The following ROBO1 variants were observed in gnomAD, a reference collection of about 807,000 sequenced individuals.
ROBO1 encodes the protein roundabout homolog 1.
ROBO1 carries 149 observed loss-of-function variants against 195.9 expected under a neutral mutation model. The ratio of observed to expected loss-of-function variants is 0.76; its 90% CI spans 0.67 to 0.87. ROBO1 has a LOEUF of 0.87. Ranked by LOEUF, ROBO1 falls within the 40% of genes least tolerant of loss-of-function variation. The probability of loss-of-function intolerance (pLI) is 0.00; values close to 1 mark genes in which losing one functional copy is unlikely to be tolerated. For synonymous variants in ROBO1, 816 were observed against 733.2 expected (o/e 1.11, Z -1.82); for missense variants, 1,933 against 2,068.3 (o/e 0.93, Z 1.27).
chr3:79,528,625 C>A (rs1259118525), intron 2 of ROBO1, among the ~76,000 whole-genome samples: 3 of 152,078 alleles, frequency 2.0e-5, no homozygotes, highest in Non-Finnish European at 2.9e-5. Context: ...ATATTGGAAC[C>A]ATGTCAAAAG....
At chr3:79,216,773 G>T (rs1357622103) in intron 2 of ROBO1, among the ~76,000 whole-genome samples, 1 of 151,924 alleles carries the variant, frequency 6.6e-6, no homozygotes, top group Non-Finnish European at 1.5e-5. Flanking sequence ...TAAAACAACT[G>T]CCCATTATAT....
intron 3 of ROBO1, among the ~76,000 whole-genome samples, chr3:79,010,964 A>C (rs777206023): frequency 9.9e-5 from 15 of 152,284 alleles, no homozygotes; most frequent in Non-Finnish European, 1.5e-4. Context: ...GATTGCTAGG[A>C]AATTTTCACT....
intron 4 of ROBO1, among the ~76,000 whole-genome samples, chr3:78,808,389 G>A (rs1236925706): frequency 6.6e-6 from 1 of 152,016 alleles, no homozygotes; most frequent in African/African-American, 2.4e-5. Context: ...ATTTTTAGTA[G>A]AGACAGGGTT....
At chr3:79,148,181 A>G (rs2080693418) in intron 2 of ROBO1, among the ~76,000 whole-genome samples, 1 of 151,788 alleles carries the variant, frequency 6.6e-6, no homozygotes. Context: ...ATCTGTCTTT[A>G]CTAAAAGACA....
Position 78,633,944 on chromosome 3 carries a change from T to C in ROBO1, c.3472A>G (p.Ser1158Gly), listed in dbSNP as rs1176036912. Residue 1158 changes from serine (S) to glycine (G), a missense_variant, in exon 24 of 31, where the codon AGT (serine) becomes GGT (glycine). By Grantham distance (56) the Ser-to-Gly change is moderately conservative. This residue lies in a region of ROBO1 where 1,737 missense variants were observed against 1,882.5 expected (regional missense o/e 0.92). Transcript: ENST00000464233. The part of the protein sequence containing the change: ...GSYNSSDRGS[S>G]TSGSQGHKKG... ...GGTTCATCTTACTTACCAGATGTACTACTGCCCCGGTCTGAGCTGTTGTAG... is the reference window on the plus strand; with the variant it reads ...GGTTCATCTTACTTACCAGATGTACCACTGCCCCGGTCTGAGCTGTTGTAG... The C allele has an allele frequency of 6.2e-7, 1 of 1,605,840 alleles. No homozygotes were observed. Among genetic ancestry groups the C allele is most frequent in the Non-Finnish European group, 8.5e-7 (1 of 1,174,252 alleles).
At chr3:78,851,443 G>A (rs1050305557) in intron 4 of ROBO1, among the ~76,000 whole-genome samples, 9 of 152,112 alleles carry the variant, frequency 5.9e-5, no homozygotes, top group Admixed American at 1.3e-4. Context: ...TGGGTAAGTC[G>A]GGACTCTAAC....
Position 78,657,286 on chromosome 3 carries a change from A to G in ROBO1, c.2443-17T>C, listed in dbSNP as rs753345286. On this transcript the variant is annotated splice_polypyrimidine_tract_variant and intron_variant, in intron 17 of 30. Coordinates refer to ENST00000464233, the MANE Select transcript of ROBO1 (RefSeq NM_002941.4). ...ACACCAAACCTGTAAGAAGCACATCACAAAAATCAAGCTGGTAAATTACCT... is the reference window on the plus strand; with the variant it reads ...ACACCAAACCTGTAAGAAGCACATCGCAAAAATCAAGCTGGTAAATTACCT... 2 of 1,612,194 alleles carry G rather than the reference A, an allele frequency of 1.2e-6. No homozygotes were observed. The highest frequency in any genetic ancestry group is 1.7e-6 in the Non-Finnish European group (2 of 1,178,952).
chr3:78,646,088 G>A (rs1316048436), intron 21 of ROBO1, 60 bp downstream of exon 21: 3 of 1,403,792 alleles, frequency 2.1e-6, no homozygotes, highest in Non-Finnish European at 3.0e-6. Flanking sequence ...GTGTCATTGA[G>A]GAAGATGAAG....
intron 2 of ROBO1, among the ~76,000 whole-genome samples, chr3:79,309,559 T>G (rs1024066937): frequency 1.3e-5 from 2 of 152,122 alleles, no homozygotes; most frequent in African/African-American, 2.4e-5. Context: ...TAAGCCATGA[T>G]AGCACCACTG....
intron 1 of ROBO1, among the ~76,000 whole-genome samples, chr3:79,664,135 A>G (rs1052266231): frequency 6.6e-6 from 1 of 152,084 alleles, no homozygotes; most frequent in Non-Finnish European, 1.5e-5. Context: ...TCTTGTATCA[A>G]AATGAATTAT....
chr3:79,303,810 C>A (rs1382744957), intron 2 of ROBO1, among the ~76,000 whole-genome samples: 1 of 152,054 alleles, frequency 6.6e-6, no homozygotes, highest in Non-Finnish European at 1.5e-5. Context: ...TGAGAACCAC[C>A]ATTCTCAACT....
chr3:79,221,846 T>C (rs1433860441), intron 2 of ROBO1, among the ~76,000 whole-genome samples: 1 of 152,126 alleles, frequency 6.6e-6, no homozygotes, highest in African/African-American at 2.4e-5. Context: ...ATATATTTGC[T>C]GCAGAAATAA....
intron 2 of ROBO1, among the ~76,000 whole-genome samples, chr3:79,519,382 A>T (rs1337402827): frequency 6.6e-6 from 1 of 151,916 alleles, no homozygotes; most frequent in Admixed American, 6.6e-5. Context: ...TGTAATCCCA[A>T]CACTTTGGGA....
At chr3:79,407,578 G>A (rs1462604185) in intron 2 of ROBO1, among the ~76,000 whole-genome samples, 1 of 151,980 alleles carries the variant, frequency 6.6e-6, no homozygotes, top group Admixed American at 6.6e-5. Flanking sequence ...GTTCTTCCCT[G>A]CTTAAACTCT....
At chr3:79,198,336 T>C (rs1341720144) in intron 2 of ROBO1, among the ~76,000 whole-genome samples, 1 of 152,120 alleles carries the variant, frequency 6.6e-6, no homozygotes, top group Non-Finnish European at 1.5e-5. Flanking sequence ...TTGTCAAAGA[T>C]AAGATGGTTG....
At chr3:78,957,351 G>GTC (rs560311081) in intron 3 of ROBO1, among the ~76,000 whole-genome samples, 2 of 148,834 alleles carry the variant, frequency 1.3e-5, no homozygotes, top group Non-Finnish European at 3.0e-5. Context: ...AGTGGTACCT[G>GTC]TCTCTCTCTC....
At chr3:78,924,448 C>T (rs984595033) in intron 4 of ROBO1, among the ~76,000 whole-genome samples, 13 of 151,978 alleles carry the variant, frequency 8.6e-5, no homozygotes, top group African/African-American at 2.2e-4. Flanking sequence ...TTCATATTTT[C>T]CCCCTCTGAA....
chr3:79,100,207 G>A (rs2108508616), intron 3 of ROBO1, among the ~76,000 whole-genome samples: 1 of 151,834 alleles, frequency 6.6e-6, no homozygotes, highest in South Asian at 2.1e-4. Flanking sequence ...TAATCTGAAA[G>A]TGATGGATAT....
At chr3:78,875,732 T>TA (rs752615200) in intron 4 of ROBO1, among the ~76,000 whole-genome samples, 8 of 152,002 alleles carry the variant, frequency 5.3e-5, no homozygotes, top group Non-Finnish European at 7.4e-5. Context: ...AGCAAAACGT[T>TA]ACAGAGAGAA....
Sources: allele counts gnomAD v4.1 joint callset (sites outside exome capture counted in the v4.1 genomes callset), GRCh38; gene constraint gnomAD v4.1.1; regional missense constraint gnomAD v4.1.1; transcripts MANE v1.5; gene names NCBI Gene and HGNC (gene_info 2026-07-23, HGNC 2026-07-21).